Variants in ZNF280C observed in about 807,000 individuals in gnomAD.
ZNF280C encodes the protein suppressor of hairy wing homolog 3.
ZNF280C carries 14 observed loss-of-function variants against 53.6 expected under a neutral mutation model. The observed-to-expected ratio is 0.26, with a 90% CI of 0.17 to 0.41. The LOEUF (loss-of-function observed/expected upper bound fraction) is 0.41, where lower values mean the gene tolerates loss of function less well. Ranked by LOEUF, ZNF280C falls within the 10% of genes least tolerant of loss-of-function variation. ZNF280C has a pLI of 1.00. For synonymous variants in ZNF280C, 203 were observed against 181.1 expected (o/e 1.12, Z -0.97); for missense variants, 416 against 547.1 (o/e 0.76, Z 2.39).
In ZNF280C at chrX:130,243,560, T is replaced by C; in HGVS notation, c.381+3A>G. ...TTAATTGTGTAATTTTATAAACACTTACAGGTTTAGACGCATTCTCAACAG... is the reference window on the plus strand; with the variant it reads ...TTAATTGTGTAATTTTATAAACACTCACAGGTTTAGACGCATTCTCAACAG... On this transcript the variant is annotated splice_donor_region_variant and intron_variant, in intron 5 of 18. Coordinates refer to ENST00000370978, the MANE Select transcript of ZNF280C (RefSeq NM_017666.5). 1.7e-6 allele frequency: 2 copies of C among 1,203,785 alleles called. No homozygotes were observed. The highest frequency in any genetic ancestry group is 1.8e-5 in the South Asian group (1 of 55,424).
intron 12 of ZNF280C, among the ~76,000 whole-genome samples, chrX:130,220,745 C>T (rs2032154491): frequency 9.0e-6 from 1 of 110,870 alleles, no homozygotes; most frequent in South Asian, 3.8e-4. Flanking sequence ...ATTATAGAGG[C>T]ATAAATACGA....
intron 13 of ZNF280C, among the ~76,000 whole-genome samples, chrX:130,216,719 C>T (rs1482915166): frequency 8.9e-6 from 1 of 111,814 alleles, no homozygotes; most frequent in African/African-American, 3.3e-5. Context: ...GTTTGGCAGG[C>T]TGGGTGTGGT....
chrX:130,234,636 T>C lies in ZNF280C; in HGVS notation c.771+1578A>G, dbSNP rs143634056. On this transcript the variant is annotated intron_variant, in intron 8 of 18. Coordinates refer to ENST00000370978, the MANE Select transcript of ZNF280C (RefSeq NM_017666.5). ...TGCTTTGCACTCGTCTCATCACTTATTTCCCACATATAATCAACACTGACT... is the reference window on the plus strand; with the variant it reads ...TGCTTTGCACTCGTCTCATCACTTACTTCCCACATATAATCAACACTGACT... Among the ~76,000 whole-genome samples, 151 of 112,426 alleles carry C rather than the reference T, an allele frequency of 1.3e-3. 1 individual carries two copies. The highest frequency in any genetic ancestry group is 0.013 in the South Asian group (36 of 2,720).
At chrX:130,205,054 TA>T in intron 18 of ZNF280C, 62 bp from the exon 19 acceptor site, 1 of 1,070,525 alleles carries the variant, frequency 9.3e-7, no homozygotes, top group Non-Finnish European at 1.2e-6. Flanking sequence ...AATGATTCAT[TA>T]AAAAATACAA....
chrX:130,246,595 C>A (rs1395402193), intron 3 of ZNF280C, among the ~76,000 whole-genome samples: 1 of 112,146 alleles, frequency 8.9e-6, no homozygotes, highest in Non-Finnish European at 1.9e-5. Flanking sequence ...AGAAGGCTTA[C>A]AATGCTGTTC....
At position 130,243,624 on chromosome X, in the gene ZNF280C, C is replaced by G; in HGVS notation, c.320G>C (p.Arg107Thr). The G allele has an allele frequency of 8.3e-7, 1 of 1,210,902 alleles. No individual in the cohort carries two copies. The change falls in exon 5 of 19, where the codon AGA (arginine) becomes ACA (threonine). Residue 107 changes from arginine to threonine, a missense_variant. Arg to Thr is a moderately conservative substitution (Grantham distance 71). This residue lies in a region of ZNF280C where 193 missense variants were observed against 201.4 expected (regional missense o/e 0.96). Transcript: ENST00000370978. ...TGAAGATTTAGATACAAGATGAAAT[C>G]TAGGCGAGGCAGCCACTGGATTTGA... ...PPSNPVAASP[R>T]FHLVSKSSQS...
At chrX:130,228,862 C>T in intron 10 of ZNF280C, 115 bp downstream of exon 10, 2 of 718,937 alleles carry the variant, frequency 2.8e-6, no homozygotes, top group Non-Finnish European at 3.9e-6. Context: ...TCAATTTTGC[C>T]CTCATATTAC....
intron 2 of ZNF280C, among the ~76,000 whole-genome samples, chrX:130,258,405 A>T (rs1459095221): frequency 8.9e-6 from 1 of 111,922 alleles, no homozygotes; most frequent in Non-Finnish European, 1.9e-5. Flanking sequence ...AGGACAGTAC[A>T]CAAACAAAAC....
In ZNF280C at chrX:130,205,241, C is replaced by A; in HGVS notation, c.2161+56G>T. 8.1e-6 allele frequency: 9 copies of A among 1,113,294 alleles called. 1 individual carries two copies. The South Asian group carries it at 1.8e-4, about 22-fold the overall frequency. 91.7% of individuals were successfully genotyped at this position (1,113,294 alleles called of 1,213,427 possible). Reference sequence around the variant, plus strand: ...TACATGGGTCCATATGGTGTCCGATCAAAAGTACTGAAATAAATATCAGAA... The same window carrying A: ...TACATGGGTCCATATGGTGTCCGATAAAAAGTACTGAAATAAATATCAGAA... On this transcript the variant is annotated intron_variant, in intron 17 of 18. Transcript: ENST00000370978.
chrX:130,224,498 T>TA (rs772714647), intron 12 of ZNF280C, among the ~76,000 whole-genome samples: 31 of 111,790 alleles, frequency 2.8e-4, no homozygotes, highest in African/African-American at 9.7e-4. Context: ...CGATAGGACT[T>TA]AGTGTTATAC....
intron 13 of ZNF280C, among the ~76,000 whole-genome samples, chrX:130,218,049 C>A (rs1158154026): frequency 1.8e-5 from 2 of 111,145 alleles, no homozygotes; most frequent in Non-Finnish European, 3.8e-5. Flanking sequence ...GTGGTCCCAG[C>A]TACTTGGGAG....
intron 13 of ZNF280C, among the ~76,000 whole-genome samples, 158 bp downstream of exon 13, chrX:130,220,191 T>C (rs2032148575): frequency 9.0e-6 from 1 of 110,896 alleles, no homozygotes; most frequent in African/African-American, 3.3e-5. Flanking sequence ...TCCACTCTTT[T>C]AGTTATTTTG....
chrX:130,231,326 T>A (rs1209137329), intron 8 of ZNF280C, among the ~76,000 whole-genome samples: 13 of 111,648 alleles, frequency 1.2e-4, no homozygotes, highest in Non-Finnish European at 1.9e-4. Flanking sequence ...CCATCAACAG[T>A]GGACTGGATA....
At chrX:130,220,716 T>C (rs1246191627) in intron 12 of ZNF280C, among the ~76,000 whole-genome samples, 1 of 111,259 alleles carries the variant, frequency 9.0e-6, no homozygotes, top group East Asian at 2.8e-4. Context: ...TAGATTTTAA[T>C]TGGAAAAGTT....
intron 2 of ZNF280C, among the ~76,000 whole-genome samples, chrX:130,249,751 A>C (rs2032487958): frequency 8.9e-6 from 1 of 112,247 alleles, no homozygotes; most frequent in South Asian, 3.7e-4. Context: ...AAAAAGCCAG[A>C]GTGCCTTCTT....
chrX:130,262,372 A>G (rs1021035676), intron 1 of ZNF280C, among the ~76,000 whole-genome samples: 12 of 112,559 alleles, frequency 1.1e-4, no homozygotes, highest in African/African-American at 3.5e-4. Context: ...TGGAATTTCT[A>G]TGGGACGACA....
chrX:130,262,704 G>A (rs1264075038), intron 1 of ZNF280C, among the ~76,000 whole-genome samples: 3 of 111,669 alleles, frequency 2.7e-5, no homozygotes, highest in Non-Finnish European at 3.8e-5. Context: ...CCATATTTCA[G>A]CTACCGATTC....
At chrX:130,207,613 C>G (rs2031989911) in intron 16 of ZNF280C, among the ~76,000 whole-genome samples, 1 of 111,288 alleles carries the variant, frequency 9.0e-6, no homozygotes, top group Non-Finnish European at 1.9e-5. Flanking sequence ...CCACCCACCT[C>G]AGCTGCCCAA....
intron 16 of ZNF280C, 87 bp downstream of exon 16, chrX:130,209,566 C>CTA: frequency 1.1e-6 from 1 of 869,895 alleles, no homozygotes; most frequent in Non-Finnish European, 1.7e-6. Context: ...AGAACTCTAT[C>CTA]ATTTCCAAAG....
Sources: gnomAD v4.1 joint callset for allele counts (sites outside exome capture counted in the v4.1 genomes callset) on GRCh38, gnomAD v4.1.1 for gene constraint, gnomAD v4.1.1 regional missense constraint, MANE v1.5 for transcripts, NCBI Gene and HGNC (gene_info 2026-07-23, HGNC 2026-07-21) for gene names.